TMEM117: variants seen among roughly 807,000 people sequenced by gnomAD.
TMEM117 encodes transmembrane protein 117.
TMEM117 carries 27 observed loss-of-function variants against 52.4 expected under a neutral mutation model. The ratio of observed to expected loss-of-function variants is 0.51; its 90% confidence interval spans 0.38 to 0.71. The LOEUF (loss-of-function observed/expected upper bound fraction) is 0.71, where lower values mean the gene tolerates loss of function less well. Ranked by LOEUF, TMEM117 falls within the 30% of genes least tolerant of loss-of-function variation. TMEM117 has a pLI of 0.00. For synonymous variants in TMEM117, 215 were observed against 206.3 expected (o/e 1.04, Z -0.36); for missense variants, 556 against 630.5 (o/e 0.88, Z 1.26).
intron 3 of TMEM117, among the ~76,000 whole-genome samples, chr12:44,047,923 G>T (rs1220172622): frequency 1.3e-5 from 2 of 152,060 alleles, no homozygotes; most frequent in Non-Finnish European, 2.9e-5. Context: ...CTCTTTATCT[G>T]TTCACTGGAA....
intron 3 of TMEM117, among the ~76,000 whole-genome samples, chr12:43,962,961 T>G (rs1848324109): frequency 6.6e-6 from 1 of 151,752 alleles, no homozygotes; most frequent in South Asian, 2.1e-4. Flanking sequence ...AGGAGGATAG[T>G]TCCTAGGCAT....
At chr12:44,062,594 T>C (rs1947156672) in intron 3 of TMEM117, among the ~76,000 whole-genome samples, 1 of 152,220 alleles carries the variant, frequency 6.6e-6, no homozygotes, top group Non-Finnish European at 1.5e-5. Context: ...TACCCTTTGT[T>C]CCTTGTGAGA....
At chr12:43,819,700 C>G in the TMEM117 span, among the ~76,000 whole-genome samples, 1 of 152,008 alleles carries the variant, frequency 6.6e-6, no homozygotes, top group Admixed American at 6.6e-5. Flanking sequence ...CGCATGAACC[C>G]AGGAGGCGGA....
intron 4 of TMEM117, among the ~76,000 whole-genome samples, chr12:44,171,248 C>T (rs1249001291): frequency 6.6e-6 from 1 of 152,092 alleles, no homozygotes; most frequent in East Asian, 1.9e-4. Context: ...ATCTCCTGAC[C>T]TCGTGATCCG....
intron 6 of TMEM117, among the ~76,000 whole-genome samples, chr12:44,344,701 C>T (rs891148024): frequency 1.3e-5 from 2 of 152,038 alleles, no homozygotes; most frequent in African/African-American, 4.8e-5. Context: ...AAATTTGTGA[C>T]TCTAAGCTCA....
At chr12:43,802,270 T>C in the TMEM117 span, 3 of 1,492,694 alleles carry the variant, frequency 2.0e-6, no homozygotes, top group African/African-American at 1.5e-5. Flanking sequence ...AAACAAACTA[T>C]AAAAAAGTTA....
At chr12:44,325,793 C>T (rs942242250) in intron 6 of TMEM117, among the ~76,000 whole-genome samples, 5 of 151,998 alleles carry the variant, frequency 3.3e-5, no homozygotes, top group East Asian at 1.9e-4. Flanking sequence ...TGTGTCCATG[C>T]GTGTATACAA....
intron 4 of TMEM117, among the ~76,000 whole-genome samples, chr12:44,151,278 C>G (rs942693693): frequency 3.3e-5 from 5 of 151,650 alleles, no homozygotes; most frequent in African/African-American, 1.2e-4. Context: ...TAGTTGGGTA[C>G]CTCCTTTGTC....
intron 3 of TMEM117, among the ~76,000 whole-genome samples, chr12:43,957,437 A>G (rs1388744702): frequency 6.6e-6 from 1 of 152,236 alleles, no homozygotes; most frequent in African/African-American, 2.4e-5. Flanking sequence ...ATGCTGCATT[A>G]TTTATATATA....
At chr12:44,142,132 A>G (rs113130633) in intron 3 of TMEM117, among the ~76,000 whole-genome samples, 9 of 152,190 alleles carry the variant, frequency 5.9e-5, no homozygotes, top group Non-Finnish European at 1.2e-4. Flanking sequence ...TCTCAATTTC[A>G]TATTGTGAAT....
intron 4 of TMEM117, among the ~76,000 whole-genome samples, chr12:44,170,276 A>G (rs1368233591): frequency 1.7e-5 from 2 of 117,448 alleles, no homozygotes; most frequent in African/African-American, 6.7e-5. Context: ...GGGGAACATC[A>G]CACACTGGGG....
chr12:44,037,619 G>A (rs1397054896), intron 3 of TMEM117, among the ~76,000 whole-genome samples: 2 of 152,160 alleles, frequency 1.3e-5, no homozygotes, highest in Non-Finnish European at 2.9e-5. Flanking sequence ...GGGAACATAT[G>A]ATGCTTTTTC....
At chr12:44,155,900 A>T (rs1215366733) in intron 4 of TMEM117, among the ~76,000 whole-genome samples, 16 of 152,068 alleles carry the variant, frequency 1.1e-4, no homozygotes, top group Admixed American at 1.0e-3. Flanking sequence ...AGCACAGGGC[A>T]TGAGTTTGGG....
chr12:44,142,163 A>G (rs1396542388), intron 3 of TMEM117, among the ~76,000 whole-genome samples: 1 of 152,160 alleles, frequency 6.6e-6, no homozygotes, highest in East Asian at 1.9e-4. Context: ...AATACATTTC[A>G]TTGTACCAGT....
intron 3 of TMEM117, among the ~76,000 whole-genome samples, chr12:44,132,542 T>C (rs1034493536): frequency 6.6e-6 from 1 of 152,128 alleles, no homozygotes; most frequent in South Asian, 2.1e-4. Context: ...CTGAGCATTA[T>C]TGGGATCCAG....
At chr12:44,289,048 C>T (rs1950670034) in intron 5 of TMEM117, among the ~76,000 whole-genome samples, 1 of 152,178 alleles carries the variant, frequency 6.6e-6, no homozygotes, top group Non-Finnish European at 1.5e-5. Context: ...GATATCTGTT[C>T]TTCTACTCTT....
intron 2 of TMEM117, among the ~76,000 whole-genome samples, chr12:43,879,775 A>C (rs4399371): frequency 1.3e-5 from 2 of 152,238 alleles, no homozygotes; most frequent in African/African-American, 4.8e-5. Context: ...CTGCCTTTGG[A>C]GTAATCTATC....
intron 3 of TMEM117, among the ~76,000 whole-genome samples, chr12:43,993,870 T>A (rs955373703): frequency 6.6e-6 from 1 of 152,098 alleles, no homozygotes; most frequent in Non-Finnish European, 1.5e-5. Flanking sequence ...AATTTTTGTA[T>A]TTTTTGTAGA....
intron 3 of TMEM117, among the ~76,000 whole-genome samples, chr12:43,990,774 A>G (rs967373471): frequency 2.0e-5 from 3 of 152,148 alleles, no homozygotes; most frequent in African/African-American, 7.2e-5. Flanking sequence ...GGCATAAGAG[A>G]CCTGCCCAAA....
Sources: gnomAD v4.1 joint callset for allele counts (sites outside exome capture counted in the v4.1 genomes callset) on GRCh38, gnomAD v4.1.1 for gene constraint, MANE v1.5 for transcripts, NCBI Gene and HGNC (gene_info 2026-07-23, HGNC 2026-07-21) for gene names.